Variants in TTLL4 observed in about 807,000 individuals in gnomAD.
The protein encoded by TTLL4 is tubulin monoglutamylase TTLL4.
In TTLL4, 85 loss-of-function variants were observed where a neutral mutation model predicts 122.7. The observed-to-expected ratio is 0.69, with a 90% CI of 0.58 to 0.83. The LOEUF (loss-of-function observed/expected upper bound fraction) is 0.83, where lower values mean the gene tolerates loss of function less well. Among genes scored for constraint, TTLL4 ranks in the 40% least tolerant of loss-of-function variants. The pLI, the probability that TTLL4 is intolerant of heterozygous loss-of-function variation, is 0.00. For synonymous variants in TTLL4, 553 were observed against 563.0 expected (o/e 0.98, Z 0.25); for missense variants, 1,363 against 1,488.6 (o/e 0.92, Z 1.39).
In TTLL4 at chr2:218,754,473, A is replaced by T; in HGVS notation, c.*84A>T. The T allele has an allele frequency of 6.5e-7, 1 of 1,538,238 alleles. No individual in the cohort carries two copies. Among genetic ancestry groups the T allele is most frequent in the South Asian group, 1.2e-5 (1 of 82,468 alleles). On this transcript the variant is annotated 3_prime_UTR_variant, in exon 20 of 20. Coordinates refer to ENST00000392102, the MANE Select transcript of TTLL4 (RefSeq NM_014640.5). ...CCAGCCTGCTGTTCAGACCAGTCTGACCCCCTACCCCTTTCACCCTGTCCC... is the reference window on the plus strand; with the variant it reads ...CCAGCCTGCTGTTCAGACCAGTCTGTCCCCCTACCCCTTTCACCCTGTCCC...
intron 1 of TTLL4, among the ~76,000 whole-genome samples, chr2:218,716,369 A>G (rs1254640320): frequency 6.6e-6 from 1 of 152,256 alleles, no homozygotes; most frequent in Non-Finnish European, 1.5e-5. Context: ...ACAATCACAC[A>G]AGTGCTTTAG....
intron 5 of TTLL4, among the ~76,000 whole-genome samples, chr2:218,742,971 C>G (rs1206886182): frequency 1.1e-4 from 17 of 151,992 alleles, no homozygotes; most frequent in Non-Finnish European, 1.5e-5. Flanking sequence ...TAAAATACAA[C>G]ATATTTTACT....
In TTLL4 at chr2:218,749,151, G is replaced by C. The variant is rs1942946025; in HGVS notation, c.2601-102G>C. 1.7e-5 allele frequency: 26 copies of C among 1,523,262 alleles called. 1 individual carries two copies. The South Asian group carries it at 3.3e-4, about 19-fold the overall frequency. The allele number at this position is 1,523,262 out of a possible 1,614,324, so 94.4% of individuals were successfully genotyped here. A position where few individuals can be genotyped will look rare whatever the true frequency, so the allele number is the denominator to read the frequency against. On this transcript the variant is annotated intron_variant, in intron 13 of 19. Transcript: ENST00000392102. Reference sequence around the variant, plus strand: ...ACTTGAGAGCTACCTTTCCTGGGTTGCTTCTGCCTGCCTATCTCTGGGCCA... The same window carrying C: ...ACTTGAGAGCTACCTTTCCTGGGTTCCTTCTGCCTGCCTATCTCTGGGCCA...
chr2:218,753,719 G>A, intron 19 of TTLL4, 50 bp downstream of exon 19: 1 of 1,589,062 alleles, frequency 6.3e-7, no homozygotes, highest in Non-Finnish European at 8.6e-7. Flanking sequence ...AGTTTGTAGA[G>A]TTTTCTTCCT....
At position 218,746,242 on chromosome 2, in the gene TTLL4, T is replaced by C. The variant is rs1942839651; in HGVS notation, c.1974+11T>C. Reference sequence around the variant, plus strand: ...CGAGAGCATCAGAAGGTAGGGGTCCTTTCTGAGGAGCTGTTTCCCTGGACT... The same window carrying C: ...CGAGAGCATCAGAAGGTAGGGGTCCCTTCTGAGGAGCTGTTTCCCTGGACT... On this transcript the variant is annotated intron_variant, in intron 8 of 19. Transcript: ENST00000392102. 2 of 1,613,914 alleles carry C rather than the reference T, an allele frequency of 1.2e-6. No individual in the cohort carries two copies. The highest frequency in any genetic ancestry group is 1.1e-5 in the South Asian group (1 of 91,072).
chr2:218,747,252 T>C lies in TTLL4; in HGVS notation c.2167-38T>C. The C allele has an allele frequency of 1.2e-5, 19 of 1,614,104 alleles. No homozygotes were observed. The highest frequency in any genetic ancestry group is 1.6e-5 in the Non-Finnish European group (19 of 1,180,002). On this transcript the variant is annotated intron_variant, in intron 9 of 19. Transcript: ENST00000392102. This position sits in a 1 kb window ranked among gnomAD's most constrained non-coding sequence, Gnocchi z 4.7. ...TCTGTGAGTGGGAACAACAGAGTAT[T>C]GGACCTGGAGCAAATCTCATCTCCT...
chr2:218,739,222 G>A, intron 3 of TTLL4, 59 bp downstream of exon 3: 1 of 1,528,160 alleles, frequency 6.5e-7, no homozygotes, highest in South Asian at 1.3e-5. Context: ...CCATAATTTG[G>A]GGTGGCACCG....
rs201372670 is a variant in TTLL4, at chr2:218,749,973, G to A, written c.2736-36G>A. The A allele has an allele frequency of 6.2e-6, 10 of 1,609,552 alleles. No individual in the cohort carries two copies. In the African/African-American group the frequency reaches 1.3e-4, roughly 22 times the overall value. On this transcript the variant is annotated intron_variant, in intron 14 of 19. Transcript: ENST00000392102. ...ATATGACCAGAGACTGTTTCGGAGT[G>A]CTGCTTTGACCACTCTTTTTATCCT...
At chr2:218,754,008 C>T (rs1020493000) in intron 19 of TTLL4, 126 bp from the exon 20 acceptor site, 79 of 1,326,914 alleles carry the variant, frequency 6.0e-5, no homozygotes, top group Non-Finnish European at 7.4e-5. Flanking sequence ...TATTACATTT[C>T]CATGTAATTT....
At chr2:218,750,292 A>G (rs1656190832) in intron 15 of TTLL4, 146 bp downstream of exon 15, 2 of 1,125,034 alleles carry the variant, frequency 1.8e-6, no homozygotes, top group Non-Finnish European at 2.5e-6. Flanking sequence ...ACATGCTACC[A>G]TGCCACATCA....
chr2:218,716,471 CTT>C (rs1941861501), intron 1 of TTLL4, among the ~76,000 whole-genome samples: 1 of 152,174 alleles, frequency 6.6e-6, no homozygotes, highest in South Asian at 2.1e-4. Flanking sequence ...CTCAAGGACA[CTT>C]TTTAATGAGA....
In TTLL4 at chr2:218,739,063, G is replaced by A. The variant is rs778308729; in HGVS notation, c.1387G>A (p.Ala463Thr). ...CCCTTTTCCTCAAACTCTTGGCATA[G>A]CCAACGTGGCCACCCGCCTCTCTTC... ...GPPFPQTLGI[A>T]NVATRLSSIQ... is the part of the protein sequence containing the mutation. Residue 463 changes from alanine (A) to threonine (T), a missense_variant, in exon 3 of 20, where the codon GCC becomes ACC. Transcript: ENST00000392102. 4 of 1,613,672 alleles carry A rather than the reference G, an allele frequency of 2.5e-6. No homozygotes were observed. In the African/African-American group the frequency reaches 5.3e-5, roughly 22 times the overall value.
chr2:218,747,427 G>A lies in TTLL4; in HGVS notation c.2249+55G>A, dbSNP rs901053011. ...ATCCTCCCACCTCCTTGGCCTCGAG[G>A]TTCCCTTCTTACAATGTTCTGCCCT... On this transcript the variant is annotated intron_variant, in intron 10 of 19. Transcript: ENST00000392102. The surrounding 1 kb of genome is among the most constrained non-coding windows in gnomAD (Gnocchi z 4.7). The A allele has an allele frequency of 1.3e-6, 2 of 1,596,664 alleles. No homozygotes were observed. The highest frequency in any genetic ancestry group is 2.2e-5 in the East Asian group (1 of 44,714).
At chr2:218,715,537 T>C (rs1473918987) in intron 1 of TTLL4, among the ~76,000 whole-genome samples, 1 of 152,198 alleles carries the variant, frequency 6.6e-6, no homozygotes, top group African/African-American at 2.4e-5. Flanking sequence ...GTCACCATAA[T>C]GAGTATTCTC....
At chr2:218,718,488 C>T (rs1941934551) in intron 1 of TTLL4, among the ~76,000 whole-genome samples, 1 of 152,044 alleles carries the variant, frequency 6.6e-6, no homozygotes. Context: ...AAGCGATTCT[C>T]CTGCCTCCAC....
chr2:218,718,139 G>T (rs1941922474), intron 1 of TTLL4, among the ~76,000 whole-genome samples: 1 of 152,184 alleles, frequency 6.6e-6, no homozygotes, highest in South Asian at 2.1e-4. Context: ...AGATCTTGTG[G>T]ACTGTAGACT....
chr2:218,742,374 A>G (rs1942726139), intron 5 of TTLL4, among the ~76,000 whole-genome samples: 1 of 152,236 alleles, frequency 6.6e-6, no homozygotes, highest in Admixed American at 6.5e-5. Flanking sequence ...AAACATTTGT[A>G]TATTATGGAA....
At chr2:218,713,158 C>T (rs565086650) in intron 1 of TTLL4, among the ~76,000 whole-genome samples, 9 of 152,188 alleles carry the variant, frequency 5.9e-5, no homozygotes, top group South Asian at 2.1e-4. Context: ...GCAGGCTGAT[C>T]GCTTGAGACC....
rs562829704 is a variant in TTLL4 at position 218,754,771 on chromosome 2, A to T, written c.*382A>T. On this transcript the variant is annotated 3_prime_UTR_variant, in exon 20 of 20. Coordinates refer to ENST00000392102, the MANE Select transcript of TTLL4 (RefSeq NM_014640.5). ...CTCAAGAGGAGAAAACATACAGAACATATTTGGACCGGAAATCCTTTGTTC... is the reference window on the plus strand; with the variant it reads ...CTCAAGAGGAGAAAACATACAGAACTTATTTGGACCGGAAATCCTTTGTTC... 2.1e-5 allele frequency: 5 copies of T among 237,026 alleles called. No individual in the cohort carries two copies. In the East Asian group the frequency reaches 4.9e-4, roughly 23 times the overall value. 14.7% of individuals were successfully genotyped at this position (237,026 alleles called of 1,614,324 possible).
Sources: allele counts gnomAD v4.1 joint callset (sites outside exome capture counted in the v4.1 genomes callset), GRCh38; gene constraint gnomAD v4.1.1; non-coding constraint Gnocchi (gnomAD v3.1); transcripts MANE v1.5; gene names NCBI Gene and HGNC (gene_info 2026-07-23, HGNC 2026-07-21).